The following ZDHHC11 variants were observed in gnomAD, a reference collection of about 807,000 sequenced individuals.
ZDHHC11 encodes the protein palmitoyltransferase ZDHHC11.
In ZDHHC11, 44 loss-of-function variants were observed where a neutral mutation model predicts 51.3. That is an observed-to-expected ratio of 0.86 (90% confidence interval 0.67 to 1.10). The LOEUF is 1.10. Among genes scored for constraint, ZDHHC11 ranks in the 50% least tolerant of loss-of-function variants. The pLI is 0.00. For synonymous variants in ZDHHC11, 163 were observed against 222.0 expected (o/e 0.73, Z 2.36); for missense variants, 400 against 537.7 (o/e 0.74, Z 2.53).
chr5:812,878 C>T (rs1468824798), intron 11 of ZDHHC11, among the ~76,000 whole-genome samples: 11 of 150,258 alleles, frequency 7.3e-5, no homozygotes, highest in Non-Finnish European at 1.3e-4. Flanking sequence ...CTATATGAAA[C>T]GTCATGAGTG....
At chr5:816,707 C>T (rs1740848732) in intron 10 of ZDHHC11, 2 of 576,716 alleles carry the variant, frequency 3.5e-6, no homozygotes, top group Non-Finnish European at 6.8e-6. Flanking sequence ...GGAATTCTGA[C>T]TATTTAGACC....
intron 2 of ZDHHC11, 31 bp from the exon 3 acceptor site, chr5:847,646 G>A (rs201499147): frequency 0.047 from 50,690 of 1,080,084 alleles, 7 homozygotes; most frequent in East Asian, 0.14. Context: ...ACGCCTGTCA[G>A]GCCCCAAGTG....
rs369579351 is a variant in ZDHHC11, at chr5:843,617, G to A, written c.611C>T (p.Thr204Met). 221 of 1,608,118 alleles carry A rather than the reference G, an allele frequency of 1.4e-4. 6 individuals are homozygous for A. The highest frequency in any genetic ancestry group is 1.7e-4 in the Non-Finnish European group (199 of 1,176,626). ...QYLVNPGVLRTDPRYEDVKNM... is the reference protein window; with the variant it reads ...QYLVNPGVLRMDPRYEDVKNM... ...CCACGTACCTTCATACCTGGGGTCC[G>A]TGCGGAGCACCCCGGGGTTCACGAG... Residue 204 changes from threonine (T) to methionine (M), a missense_variant, in exon 4 of 13, where the codon ACG becomes ATG. Around this residue, in one of 5 missense-constraint regions of ZDHHC11, gnomAD observed 26 missense variants for 47.1 expected, o/e 0.55. Transcript: ENST00000283441.
chr5:830,233 C>T (rs1279785876), intron 7 of ZDHHC11, among the ~76,000 whole-genome samples: 2 of 80,366 alleles, frequency 2.5e-5, no homozygotes, highest in South Asian at 4.5e-4. Flanking sequence ...ACCTAGAAAA[C>T]TCTAAATACT....
At chr5:836,512 TG>T (rs1422609930) in intron 6 of ZDHHC11, among the ~76,000 whole-genome samples, 1 of 150,128 alleles carries the variant, frequency 6.7e-6, no homozygotes, top group East Asian at 1.9e-4. Flanking sequence ...CTGAATGAGT[TG>T]GGAAGTGTTG....
chr5:847,401 G>A (rs1746421663), intron 3 of ZDHHC11, 113 bp downstream of exon 3: 39 of 1,503,810 alleles, frequency 2.6e-5, no homozygotes, highest in Admixed American at 1.1e-4. Flanking sequence ...ACAGGGACGC[G>A]GCCCCAAGAG....
chr5:815,521 C>G (rs989519647), intron 10 of ZDHHC11, among the ~76,000 whole-genome samples: 2 of 151,586 alleles, frequency 1.3e-5, no homozygotes, highest in Non-Finnish European at 3.0e-5. Flanking sequence ...ATGAGACTTC[C>G]AGTTCTCCGA....
chr5:813,168 C>A (rs1408167295), intron 11 of ZDHHC11, among the ~76,000 whole-genome samples: 1 of 142,254 alleles, frequency 7.0e-6, no homozygotes, highest in Middle Eastern at 3.3e-3. Context: ...GACACCCCAT[C>A]TCTACAAAAG....
At chr5:806,928 A>C (rs1414942135) in intron 11 of ZDHHC11, among the ~76,000 whole-genome samples, 1 of 151,176 alleles carries the variant, frequency 6.6e-6, no homozygotes. Context: ...ACCTTTAAAA[A>C]ACAGTGGCCT....
At chr5:843,775 G>A in intron 3 of ZDHHC11, 51 bp from the exon 4 acceptor site, 2 of 1,330,218 alleles carry the variant, frequency 1.5e-6, no homozygotes, top group South Asian at 1.3e-5. Context: ...GGGAGCAGTG[G>A]GGGCGCAGGG....
intron 9 of ZDHHC11, 141 bp from the exon 10 acceptor site, chr5:819,753 G>T: frequency 2.4e-6 from 2 of 847,748 alleles, no homozygotes; most frequent in Non-Finnish European, 1.9e-6. Context: ...GCAGCTCCCG[G>T]GAGGTTGTGT....
upstream of ZDHHC11, among the ~76,000 whole-genome samples, chr5:851,417 T>C (rs1579821424): frequency 6.6e-6 from 1 of 151,354 alleles, no homozygotes; most frequent in African/African-American, 2.4e-5. Context: ...GGGTGGGGGG[T>C]TGATCTTGAG....
upstream of ZDHHC11, among the ~76,000 whole-genome samples, chr5:859,786 C>T (rs951812320): frequency 2.6e-5 from 4 of 152,188 alleles, no homozygotes; most frequent in Non-Finnish European, 5.9e-5. Flanking sequence ...TAAGGACATC[C>T]TCCCTCCTGT....
chr5:837,023 C>T (rs903241298), intron 6 of ZDHHC11, among the ~76,000 whole-genome samples: 2 of 151,566 alleles, frequency 1.3e-5, no homozygotes, highest in African/African-American at 4.8e-5. Context: ...CACCACTTCA[C>T]TCCACCCTGG....
intron 11 of ZDHHC11, among the ~76,000 whole-genome samples, chr5:810,378 C>T (rs1739926171): frequency 6.6e-6 from 1 of 150,784 alleles, no homozygotes; most frequent in Non-Finnish European, 1.5e-5. Context: ...CACCCATTCC[C>T]TTCGACATCC....
At chr5:834,539 T>C (rs1392665516) in intron 6 of ZDHHC11, among the ~76,000 whole-genome samples, 3 of 152,134 alleles carry the variant, frequency 2.0e-5, no homozygotes, top group South Asian at 2.1e-4. Context: ...TTTTTTACAA[T>C]TGCACTTTGA....
At position 821,877 on chromosome 5, in the gene ZDHHC11, A is replaced by G. The variant is rs553529661; in HGVS notation, c.1042T>C (p.Cys348Arg). The part of the protein sequence containing the change: ...STAREGDEDP[C>R]PSALGAKARN... The stretch of plus-strand genomic sequence containing the variant: ...CAAACTCACCCAAGTGCAGATGGAC[A>G]CGGGTCTTCATCCCCTTCCTGTGGG... The change falls in exon 9 of 13, where the codon TGT becomes CGT. Residue 348 changes from cysteine to arginine, a missense_variant. Physicochemically the swap from Cys to Arg is radical, Grantham distance 180 (BLOSUM62 -3). This residue lies in a region of ZDHHC11 where 231 missense variants were observed against 227.4 expected (regional missense o/e 1.02). Transcript: ENST00000283441. 1 of 1,606,330 alleles carries G rather than the reference A, an allele frequency of 6.2e-7. No individual in the cohort carries two copies. The highest frequency in any genetic ancestry group is 1.3e-5 in the African/African-American group (1 of 74,710).
At chr5:853,012 A>G (rs768909622), upstream of ZDHHC11, among the ~76,000 whole-genome samples, 7 of 144,566 alleles carry the variant, frequency 4.8e-5, no homozygotes, top group Non-Finnish European at 7.5e-5. Flanking sequence ...GACAGACCCC[A>G]TGGAGGACAG....
In ZDHHC11 at chr5:841,107, C is replaced by T; in HGVS notation, c.629-457G>A. 33 of 926,388 alleles carry T rather than the reference C, an allele frequency of 3.6e-5. 1 individual carries two copies. Among genetic ancestry groups the T allele is most frequent in the Non-Finnish European group, 4.1e-5 (33 of 798,612 alleles). The allele number at this position is 926,388 out of a possible 1,614,324, so 57.4% of individuals were successfully genotyped here. Reference sequence around the variant, plus strand: ...GTGCCCACCCCTTCCTCACTAAGTGCCAGGGTCACAGCACCCATCCCTTCC... The same window carrying T: ...GTGCCCACCCCTTCCTCACTAAGTGTCAGGGTCACAGCACCCATCCCTTCC... On this transcript the variant is annotated intron_variant, in intron 4 of 12. Transcript: ENST00000283441.
Sources: gnomAD v4.1 joint callset for allele counts (sites outside exome capture counted in the v4.1 genomes callset) on GRCh38, gnomAD v4.1.1 for gene constraint, gnomAD v4.1.1 regional missense constraint, MANE v1.5 for transcripts, NCBI Gene and HGNC (gene_info 2026-07-23, HGNC 2026-07-21) for gene names.